The following FNDC3A variants were observed in gnomAD, a reference collection of about 807,000 sequenced individuals.
FNDC3A encodes fibronectin type-III domain-containing protein 3A.
A neutral mutation model predicts 148.9 loss-of-function variants in FNDC3A; 32 were observed. The ratio of observed to expected loss-of-function variants is 0.21; its 90% CI spans 0.16 to 0.29. FNDC3A has a LOEUF of 0.29. Among genes scored for constraint, FNDC3A ranks in the 10% least tolerant of loss-of-function variants. The pLI is 1.00. For synonymous variants in FNDC3A, 472 were observed against 473.6 expected (o/e 1.00, Z 0.04); for missense variants, 1,191 against 1,452.8 (o/e 0.82, Z 2.93).
intron 7 of FNDC3A, among the ~76,000 whole-genome samples, chr13:49,140,113 A>C (rs1882606474): frequency 6.6e-6 from 1 of 152,186 alleles, no homozygotes; most frequent in Admixed American, 6.5e-5. Flanking sequence ...CAAGAAGATC[A>C]CTTGAGGCCA....
intron 2 of FNDC3A, among the ~76,000 whole-genome samples, chr13:49,040,335 A>G (rs1447536818): frequency 3.3e-5 from 5 of 152,328 alleles, no homozygotes; most frequent in African/African-American, 9.6e-5. Flanking sequence ...ATTTTTATCA[A>G]TTGCCTACTC....
chr13:49,030,192 G>GT (rs1334819472), intron 2 of FNDC3A, among the ~76,000 whole-genome samples: 3 of 152,168 alleles, frequency 2.0e-5, no homozygotes, highest in Non-Finnish European at 4.4e-5. Context: ...ACTTCATTAT[G>GT]TACATCAACT....
In FNDC3A at chr13:49,203,183, C is replaced by A; in HGVS notation, c.3181C>A (p.His1061Asn). The change falls in exon 25 of 26, where the codon CAC becomes AAC. Residue 1061 changes from histidine to asparagine, a missense_variant. Coordinates refer to ENST00000492622, the MANE Select transcript of FNDC3A (RefSeq NM_001079673.2). ...CCCCAAAATAGAGAAAGTAAATGAT[C>A]ACATTTGTGAAATTACATGGGAGTG... is the stretch of plus-strand genomic sequence containing the variant. ...KAPKIEKVND[H>N]ICEITWECLQ... The A allele has an allele frequency of 6.2e-7, 1 of 1,601,650 alleles. No individual in the cohort carries two copies. Among genetic ancestry groups the A allele is most frequent in the Non-Finnish European group, 8.5e-7 (1 of 1,170,824 alleles).
intron 8 of FNDC3A, among the ~76,000 whole-genome samples, chr13:49,160,898 A>T (rs1297668887): frequency 1.3e-5 from 2 of 151,982 alleles, no homozygotes; most frequent in African/African-American, 4.8e-5. Flanking sequence ...ATTCAGGAGG[A>T]GGTTGTTCAG....
intron 1 of FNDC3A, among the ~76,000 whole-genome samples, chr13:48,997,923 T>C (rs1282578299): frequency 1.4e-5 from 2 of 145,914 alleles, no homozygotes; most frequent in Non-Finnish European, 3.0e-5. Flanking sequence ...AATGCTGAGA[T>C]TGCTGCAACC....
At chr13:49,187,846 G>C (rs963660202) in intron 16 of FNDC3A, among the ~76,000 whole-genome samples, 1 of 151,262 alleles carries the variant, frequency 6.6e-6, no homozygotes, top group Non-Finnish European at 1.5e-5. Context: ...TGAATCAAAT[G>C]TAAGAGTGCT....
chr13:49,090,839 T>C (rs1460315411), intron 3 of FNDC3A, among the ~76,000 whole-genome samples: 1 of 151,836 alleles, frequency 6.6e-6, no homozygotes, highest in African/African-American at 2.4e-5. Context: ...TACTGAAAAT[T>C]TTTTAAAAAT....
chr13:49,130,662 G>C (rs893602006), intron 4 of FNDC3A, among the ~76,000 whole-genome samples: 1 of 152,066 alleles, frequency 6.6e-6, no homozygotes, highest in African/African-American at 2.4e-5. Flanking sequence ...AATTCATTTT[G>C]TTTAGTGCTA....
chr13:49,081,271 T>G (rs973766330), intron 3 of FNDC3A, among the ~76,000 whole-genome samples: 5 of 152,182 alleles, frequency 3.3e-5, no homozygotes, highest in African/African-American at 1.2e-4. Flanking sequence ...CCACTACATG[T>G]AAGAGAGAAA....
intron 8 of FNDC3A, among the ~76,000 whole-genome samples, chr13:49,158,536 C>G (rs1442158165): frequency 6.6e-6 from 1 of 151,936 alleles, no homozygotes; most frequent in African/African-American, 2.4e-5. Context: ...CGGCCATCTT[C>G]GATTGCAAAA....
At chr13:49,036,002 A>T (rs981145993) in intron 2 of FNDC3A, among the ~76,000 whole-genome samples, 1 of 152,176 alleles carries the variant, frequency 6.6e-6, no homozygotes, top group Admixed American at 6.5e-5. Flanking sequence ...GACAAGATCT[A>T]GCCAAGTATA....
chr13:49,014,680 A>G (rs1470174898), intron 2 of FNDC3A, among the ~76,000 whole-genome samples: 1 of 144,112 alleles, frequency 6.9e-6, no homozygotes, highest in Non-Finnish European at 1.5e-5. Flanking sequence ...GCCCATGCCT[A>G]TGTCCTGAAT....
At chr13:49,116,694 G>A (rs1249906284) in intron 4 of FNDC3A, among the ~76,000 whole-genome samples, 1 of 151,610 alleles carries the variant, frequency 6.6e-6, no homozygotes, top group Admixed American at 6.6e-5. Flanking sequence ...GCTAAAGCAG[G>A]AGAATCGCTT....
chr13:49,137,371 G>A (rs1174211184), intron 6 of FNDC3A, among the ~76,000 whole-genome samples: 2 of 152,040 alleles, frequency 1.3e-5, no homozygotes, highest in East Asian at 1.9e-4. Flanking sequence ...TTGAGACCAA[G>A]TCTCGCTCTG....
chr13:49,112,854 TTAAAA>T (rs1880664341), intron 3 of FNDC3A, among the ~76,000 whole-genome samples: 1 of 152,292 alleles, frequency 6.6e-6, no homozygotes, highest in Middle Eastern at 3.4e-3. Flanking sequence ...CTATATATAA[TTAAAA>T]TAATATTCTG....
intron 3 of FNDC3A, chr13:49,110,302 A>G: frequency 1.6e-5 from 18 of 1,145,474 alleles, no homozygotes; most frequent in Non-Finnish European, 2.1e-5. Context: ...CAGCCTTGCA[A>G]AAAAAAAAAA....
chr13:49,005,300 A>C (rs569931331), intron 1 of FNDC3A, among the ~76,000 whole-genome samples: 35 of 152,056 alleles, frequency 2.3e-4, no homozygotes, highest in African/African-American at 6.7e-4. Context: ...TGCTGTAAAC[A>C]TTCCAAAATG....
At position 49,138,789 on chromosome 13, in the gene FNDC3A, A is replaced by G; in HGVS notation, c.803A>G (p.Asn268Ser). The change falls in exon 7 of 26, where the codon AAC becomes AGC. Residue 268 changes from asparagine to serine, a missense_variant. Asn to Ser is a conservative substitution (Grantham distance 46). Transcript: ENST00000492622. ...AAAGCATTTGAAGCACTTCTTTCCAACATTGTCAAACCAGTGGTAAGTATC... is the reference window on the plus strand; with the variant it reads ...AAAGCATTTGAAGCACTTCTTTCCAGCATTGTCAAACCAGTGGTAAGTATC... ...ETKAFEALLS[N>S]IVKPVASDIQ... 1.3e-6 allele frequency: 2 copies of G among 1,505,112 alleles called. No individual in the cohort carries two copies. Among genetic ancestry groups the G allele is most frequent in the South Asian group, 1.2e-5 (1 of 80,706 alleles). 93.2% of individuals were successfully genotyped at this position (1,505,112 alleles called of 1,614,324 possible).
chr13:48,975,580 A>C (rs768505364), upstream of FNDC3A: 1 of 152,158 alleles, frequency 6.6e-6, no homozygotes. Context: ...GAGCCTTTTG[A>C]AATGTGGATT....
Sources: gnomAD v4.1 joint callset for allele counts (sites outside exome capture counted in the v4.1 genomes callset) on GRCh38, gnomAD v4.1.1 for gene constraint, MANE v1.5 for transcripts, NCBI Gene and HGNC (gene_info 2026-07-23, HGNC 2026-07-21) for gene names.